FAXC: variants seen among roughly 807,000 people sequenced by gnomAD.
FAXC encodes failed axon connections homolog.
In FAXC, 10 loss-of-function variants were observed where a neutral mutation model predicts 41.9. The observed-to-expected ratio is 0.24, with a 90% CI of 0.15 to 0.41. FAXC has a LOEUF of 0.41. FAXC is among the 10% of genes least tolerant of loss of function. The pLI is 1.00. For missense variants in FAXC, 399 were observed against 510.9 expected, an observed-to-expected ratio of 0.78 and a Z score of 2.11; for synonymous variants, 183 against 183.8, an observed-to-expected ratio of 1.00 and a Z score of 0.03.
chr6:99,325,916 T>C (rs1222157902), intron 3 of FAXC, among the ~76,000 whole-genome samples: 1 of 152,216 alleles, frequency 6.6e-6, no homozygotes, highest in Non-Finnish European at 1.5e-5. Context: ...GTAGACAAAT[T>C]ACAGATTTGA....
At chr6:99,331,441 G>A (rs1274261969) in intron 3 of FAXC, among the ~76,000 whole-genome samples, 1 of 152,130 alleles carries the variant, frequency 6.6e-6, no homozygotes, top group Admixed American at 6.5e-5. Flanking sequence ...TGAAGGAAGA[G>A]ATGGAAAGGG....
intron 3 of FAXC, among the ~76,000 whole-genome samples, chr6:99,327,756 C>T (rs1772869030): frequency 6.6e-6 from 1 of 152,146 alleles, no homozygotes; most frequent in Non-Finnish European, 1.5e-5. Flanking sequence ...CATCTTTGTT[C>T]CATTCAAACC....
At chr6:99,342,414 G>A (rs779133445) in intron 2 of FAXC, among the ~76,000 whole-genome samples, 2 of 150,264 alleles carry the variant, frequency 1.3e-5, no homozygotes, top group Non-Finnish European at 3.0e-5. Context: ...GTGCAATCTC[G>A]GCTCACTGTA....
chr6:99,312,280 C>T (rs1471622927), intron 4 of FAXC, among the ~76,000 whole-genome samples: 5 of 152,156 alleles, frequency 3.3e-5, no homozygotes, highest in South Asian at 2.1e-4. Context: ...CCTGGGAGCA[C>T]GGAACAGGTT....
At chr6:99,347,219 C>T (rs13209800) in intron 1 of FAXC, among the ~76,000 whole-genome samples, 18,582 of 151,960 alleles carry the variant, frequency 0.12, 1,385 homozygotes, top group Non-Finnish European at 0.17. Flanking sequence ...CTGGCCAACA[C>T]GGTGAAACCC....
At chr6:99,307,621 G>A (rs2128455526) in intron 4 of FAXC, among the ~76,000 whole-genome samples, 1 of 152,266 alleles carries the variant, frequency 6.6e-6, no homozygotes, top group Non-Finnish European at 1.5e-5. Flanking sequence ...GCACTTGCAG[G>A]CTGTGAGGGC....
chr6:99,329,635 GCTACAT>G (rs954668403), intron 3 of FAXC, among the ~76,000 whole-genome samples: 7 of 152,130 alleles, frequency 4.6e-5, no homozygotes, highest in Admixed American at 4.6e-4. Context: ...AGGGGCCCTC[GCTACAT>G]CTAAAACTGG....
chr6:99,287,406 T>A (rs1219953796), intron 5 of FAXC, among the ~76,000 whole-genome samples: 1 of 152,174 alleles, frequency 6.6e-6, no homozygotes, highest in Non-Finnish European at 1.5e-5. Flanking sequence ...TTTTCTAAAT[T>A]TTCTTCAGGA....
At chr6:99,336,312 C>T (rs1334349053) in intron 2 of FAXC, among the ~76,000 whole-genome samples, 1 of 151,964 alleles carries the variant, frequency 6.6e-6, no homozygotes, top group Non-Finnish European at 1.5e-5. Context: ...GACAGGGTCT[C>T]GCTGTGTTGC....
At chr6:99,347,718 A>G (rs1219676993) in intron 1 of FAXC, among the ~76,000 whole-genome samples, 1 of 152,248 alleles carries the variant, frequency 6.6e-6, no homozygotes, top group Non-Finnish European at 1.5e-5. Context: ...AGACTAGAAT[A>G]CAACTGAGAA....
chr6:99,345,629 G>A (rs1438910852), intron 1 of FAXC, among the ~76,000 whole-genome samples: 2 of 152,106 alleles, frequency 1.3e-5, no homozygotes, highest in Admixed American at 6.6e-5. Flanking sequence ...CTATTCCCGG[G>A]GCTAACGATA....
intron 4 of FAXC, among the ~76,000 whole-genome samples, chr6:99,292,719 G>T (rs955898611): frequency 5.3e-5 from 8 of 152,208 alleles, no homozygotes; most frequent in Non-Finnish European, 1.2e-4. Context: ...TTGGGCTATT[G>T]TGAGGACAAA....
rs1311064210 is a variant in FAXC, at chr6:99,271,723, C to T, written c.*9441G>A. 1 of 152,204 alleles carries T rather than the reference C, an allele frequency of 6.6e-6. No homozygotes were observed. The allele number at this position is 152,204 out of a possible 1,614,324, so 9.4% of individuals were successfully genotyped here. On this transcript the variant is annotated 3_prime_UTR_variant, in exon 6 of 6. Transcript: ENST00000389677. The stretch of plus-strand genomic sequence containing the variant: ...CTGAAATGGGAAATTAGGGGGTTCT[C>T]TCATTTCCTACTTAATAGATATTCC...
chr6:99,322,678 C>T (rs1180270302), intron 4 of FAXC, among the ~76,000 whole-genome samples: 2 of 152,178 alleles, frequency 1.3e-5, no homozygotes, highest in African/African-American at 4.8e-5. Context: ...CATAGAAGGT[C>T]CTGAATTCAA....
chr6:99,307,005 T>C (rs1435139177), intron 4 of FAXC, among the ~76,000 whole-genome samples: 1 of 152,192 alleles, frequency 6.6e-6, no homozygotes, highest in South Asian at 2.1e-4. Flanking sequence ...GGAGAAAGCC[T>C]GTCCTTTGTA....
At chr6:99,317,796 T>C (rs1391216096) in intron 4 of FAXC, among the ~76,000 whole-genome samples, 1 of 152,232 alleles carries the variant, frequency 6.6e-6, no homozygotes, top group Non-Finnish European at 1.5e-5. Flanking sequence ...CTTATTTTCA[T>C]TGTCTTATTT....
In FAXC at chr6:99,342,946, G is replaced by C. The variant is rs754286881; in HGVS notation, c.354C>G (p.Phe118Leu). Reference protein sequence around the residue: ...PNNGVPSLSPFCLKMETYLRM... With the variant: ...PNNGVPSLSPLCLKMETYLRM... ...TTAAATAAGTTTCCATCTTTAAACA[G>C]AAAGGAGATAAACTTGGAACACCAT... Residue 118 changes from phenylalanine to leucine, a missense_variant, in exon 2 of 6, where the codon TTC becomes TTG. By Grantham distance (22) the Phe-to-Leu change is conservative (BLOSUM62 0). This residue lies in a region of FAXC where 239 missense variants were observed against 352.7 expected (regional missense o/e 0.68). Transcript: ENST00000389677. 3 of 1,612,356 alleles carry C rather than the reference G, an allele frequency of 1.9e-6. No homozygotes were observed. Among genetic ancestry groups the C allele is most frequent in the Non-Finnish European group, 2.5e-6 (3 of 1,179,454 alleles).
At chr6:99,303,498 A>T (rs928224613) in intron 4 of FAXC, among the ~76,000 whole-genome samples, 2 of 152,248 alleles carry the variant, frequency 1.3e-5, no homozygotes, top group African/African-American at 4.8e-5. Context: ...CTAAAAGTTC[A>T]TGAAGAAGTA....
chr6:99,333,479 A>C lies in FAXC; in HGVS notation c.471T>G (p.Val157=), dbSNP rs1329078324. ...AGTCAATTATGAATTCTGTGCCAGA[A>C]ACTTTTTCATGATTATATTCAATCC... The part of the protein sequence containing the change: ...MPWIEYNHEK[V]SGTEFIIDFL... The change falls in exon 3 of 6, where the codon GTT becomes GTG. Residue 157 remains valine (V), a synonymous_variant. Transcript: ENST00000389677. 1 of 1,614,124 alleles carries C rather than the reference A, an allele frequency of 6.2e-7. No homozygotes were observed. The highest frequency in any genetic ancestry group is 8.5e-7 in the Non-Finnish European group (1 of 1,180,006).
Sources: allele counts gnomAD v4.1 joint callset (sites outside exome capture counted in the v4.1 genomes callset), GRCh38; gene constraint gnomAD v4.1.1; regional missense constraint gnomAD v4.1.1; transcripts MANE v1.5; gene names NCBI Gene and HGNC (gene_info 2026-07-23, HGNC 2026-07-21).